The following RYR3 variants were observed in gnomAD, a reference collection of about 807,000 sequenced individuals.
RYR3 encodes the protein brain ryanodine receptor-calcium release channel.
In RYR3, 207 loss-of-function variants were observed where a neutral mutation model predicts 584.3. The observed-to-expected ratio is 0.35, with a 90% CI of 0.32 to 0.40. RYR3 has a LOEUF of 0.40. Among genes scored for constraint, RYR3 ranks in the 10% least tolerant of loss-of-function variants. RYR3 has a pLI of 1.00. For missense variants in RYR3, 5,616 were observed against 6,089.2 expected (o/e 0.92, Z 2.59); for synonymous variants, 2,416 against 2,248.5 (o/e 1.07, Z -2.11).
chr15:33,533,248 T>TG lies in RYR3; in HGVS notation c.355-61dup, dbSNP rs1489234560. The TG allele has an allele frequency of 4.7e-5, 53 of 1,116,420 alleles. No individual in the cohort carries two copies. In the African/African-American group the frequency reaches 8.0e-4, roughly 17 times the overall value. 69.2% of individuals were successfully genotyped at this position (1,116,420 alleles called of 1,614,324 possible). A position where few individuals can be genotyped will look rare whatever the true frequency, so the allele number is the denominator to read the frequency against. Reference sequence around the variant, plus strand: ...TTGAACTTAACTAGAAGCTAACTAGTGGTAAGATACCAAGACTCAATGGAA... The same window carrying TG: ...TTGAACTTAACTAGAAGCTAACTAGTGGGTAAGATACCAAGACTCAATGGAA... On this transcript the variant is annotated intron_variant, in intron 4 of 103. Coordinates refer to ENST00000634891, the MANE Select transcript of RYR3 (RefSeq NM_001036.6).
chr15:33,778,364 A>C (rs1444385496), intron 64 of RYR3, among the ~76,000 whole-genome samples: 1 of 152,162 alleles, frequency 6.6e-6, no homozygotes, highest in Non-Finnish European at 1.5e-5. Context: ...ATTTCTCCTC[A>C]TTGGCCACTG....
chr15:33,818,899 G>A (rs759069218), intron 76 of RYR3, among the ~76,000 whole-genome samples: 9 of 152,104 alleles, frequency 5.9e-5, no homozygotes, highest in African/African-American at 1.9e-4. Flanking sequence ...CAAGGCGGGC[G>A]GACCATCTGA....
chr15:33,513,762 C>T (rs917570818), intron 3 of RYR3, among the ~76,000 whole-genome samples: 3 of 152,180 alleles, frequency 2.0e-5, no homozygotes, highest in African/African-American at 7.2e-5. Flanking sequence ...TATTCCCACT[C>T]TCTGGTCCTT....
At chr15:33,428,725 AT>A (rs35077720) in intron 1 of RYR3, among the ~76,000 whole-genome samples, 67,289 of 151,626 alleles carry the variant, frequency 0.44, 15,149 homozygotes, top group East Asian at 0.71. Flanking sequence ...AAGTTAGAGG[AT>A]TTTTTTTTCC....
chr15:33,759,362 A>T (rs1437402497), intron 60 of RYR3, among the ~76,000 whole-genome samples: 1 of 152,232 alleles, frequency 6.6e-6, no homozygotes, highest in African/African-American at 2.4e-5. Context: ...CTAAAGGAGC[A>T]TGTTCTCGCC....
At chr15:33,360,319 T>C (rs1050308836) in intron 1 of RYR3, among the ~76,000 whole-genome samples, 1 of 152,106 alleles carries the variant, frequency 6.6e-6, no homozygotes, top group African/African-American at 2.4e-5. Flanking sequence ...CTGCTTTCTA[T>C]CACTATAGAT....
intron 38 of RYR3, among the ~76,000 whole-genome samples, chr15:33,679,756 G>A (rs1163900299): frequency 6.6e-6 from 1 of 152,074 alleles, no homozygotes; most frequent in African/African-American, 2.4e-5. Flanking sequence ...ATTTTGTATT[G>A]CTAATTTCAT....
At chr15:33,720,935 A>G (rs1019414080) in intron 43 of RYR3, among the ~76,000 whole-genome samples, 3 of 152,204 alleles carry the variant, frequency 2.0e-5, no homozygotes, top group East Asian at 3.8e-4. Flanking sequence ...GTTGTATTAA[A>G]TAGAACTTAA....
chr15:33,459,405 G>C (rs147891889), intron 1 of RYR3, among the ~76,000 whole-genome samples: 1 of 152,190 alleles, frequency 6.6e-6, no homozygotes, highest in Non-Finnish European at 1.5e-5. Context: ...GTCTCTTGGA[G>C]ATAAAAATTC....
At chr15:33,724,198 G>A (rs759292120) in intron 45 of RYR3, 22 bp downstream of exon 45, 54 of 1,345,760 alleles carry the variant, frequency 4.0e-5, no homozygotes, top group Non-Finnish European at 5.4e-5. Context: ...AGCTTCCAGA[G>A]AACAGCTTTG....
intron 60 of RYR3, among the ~76,000 whole-genome samples, chr15:33,758,075 G>T (rs2072030108): frequency 6.6e-6 from 1 of 152,198 alleles, no homozygotes; most frequent in African/African-American, 2.4e-5. Flanking sequence ...GGGAAGTCAT[G>T]AGGGACTGTG....
intron 69 of RYR3, among the ~76,000 whole-genome samples, chr15:33,805,516 C>T (rs1278408284): frequency 1.4e-4 from 21 of 149,864 alleles, no homozygotes; most frequent in South Asian, 8.5e-4. Context: ...CCTGCTCTGT[C>T]GCCCAGGCTG....
In RYR3 at chr15:33,753,932, T is replaced by C. The variant is rs111358672; in HGVS notation, c.8400-1133T>C. ...AATAGGAGGAAATCAAGAAGAAAGATACAGGAGTTCAAGACCAGCCTGGTT... is the reference window on the plus strand; with the variant it reads ...AATAGGAGGAAATCAAGAAGAAAGACACAGGAGTTCAAGACCAGCCTGGTT... On this transcript the variant is annotated intron_variant, in intron 57 of 103. Coordinates refer to ENST00000634891, the MANE Select transcript of RYR3 (RefSeq NM_001036.6). Among the ~76,000 whole-genome samples the C allele has an allele frequency of 6.3e-3, 954 of 152,174 alleles. 19 individuals are homozygous for C. The highest frequency in any genetic ancestry group is 0.021 in the African/African-American group (866 of 41,526).
At chr15:33,702,902 C>G (rs570459990) in intron 42 of RYR3, among the ~76,000 whole-genome samples, 4 of 152,182 alleles carry the variant, frequency 2.6e-5, no homozygotes, top group East Asian at 1.9e-4. Flanking sequence ...AATAAATACA[C>G]ATTTTTTTCT....
At chr15:33,747,399 G>A (rs1386283136) in intron 53 of RYR3, among the ~76,000 whole-genome samples, 1 of 131,278 alleles carries the variant, frequency 7.6e-6, no homozygotes, top group African/African-American at 2.7e-5. Flanking sequence ...TTTTTGAGAC[G>A]GAGTTTCACT....
intron 10 of RYR3, among the ~76,000 whole-genome samples, chr15:33,553,751 A>C (rs1198527134): frequency 6.6e-6 from 1 of 152,140 alleles, no homozygotes; most frequent in Non-Finnish European, 1.5e-5. Flanking sequence ...GTTGTGTAAG[A>C]CAAAGCCTGG....
intron 3 of RYR3, among the ~76,000 whole-genome samples, chr15:33,524,805 C>T (rs774228444): frequency 1.7e-4 from 26 of 152,118 alleles, no homozygotes; most frequent in Non-Finnish European, 2.9e-4. Flanking sequence ...TAATATGCGT[C>T]ATTTATTCAT....
At chr15:33,401,318 T>G (rs572704921) in intron 1 of RYR3, among the ~76,000 whole-genome samples, 60 of 152,324 alleles carry the variant, frequency 3.9e-4, no homozygotes, top group Non-Finnish European at 3.4e-4. Context: ...ATTATTAATT[T>G]TATCCTTGCA....
At chr15:33,640,598 A>G (rs949760728) in intron 27 of RYR3, among the ~76,000 whole-genome samples, 14 of 152,114 alleles carry the variant, frequency 9.2e-5, no homozygotes, top group Non-Finnish European at 1.9e-4. Flanking sequence ...CTTCTTTGCA[A>G]TCTCCTGGAA....
Sources: allele counts gnomAD v4.1 joint callset (sites outside exome capture counted in the v4.1 genomes callset), GRCh38; gene constraint gnomAD v4.1.1; transcripts MANE v1.5; gene names NCBI Gene and HGNC (gene_info 2026-07-23, HGNC 2026-07-21).